The following OXCT2 variants were observed in gnomAD, a reference collection of about 807,000 sequenced individuals.
The protein encoded by OXCT2 is succinyl-CoA:3-ketoacid coenzyme A transferase 2, mitochondrial.
For synonymous variants in OXCT2, 110 were observed against 298.4 expected, an observed-to-expected ratio of 0.37 and a Z score of 6.51; for missense variants, 317 against 695.7, an observed-to-expected ratio of 0.46 and a Z score of 6.12.
chr1:39,770,630 A>T lies in OXCT2; in HGVS notation c.626T>A (p.Leu209Gln). ...LERAIRADFA[L>Q]VKGWKADRAG... is the part of the protein sequence containing the mutation. ...CCGGTCGGCCTTCCACCCTTTCACCAGGGCGAAGTCTGCCCGGATGGCGCG... is the reference window on the plus strand; with the variant it reads ...CCGGTCGGCCTTCCACCCTTTCACCTGGGCGAAGTCTGCCCGGATGGCGCG... Residue 209 changes from leucine to glutamine, a missense_variant, in exon 1 of 1, where the codon CTG becomes CAG. Coordinates refer to ENST00000327582, the MANE Select transcript of OXCT2 (RefSeq NM_022120.2). The T allele has an allele frequency of 6.4e-7, 1 of 1,565,018 alleles. No individual in the cohort carries two copies. The highest frequency in any genetic ancestry group is 8.7e-7 in the Non-Finnish European group (1 of 1,155,704).
Position 39,770,187 on chromosome 1 carries a change from C to G in OXCT2, c.1069G>C (p.Asp357His). 7.4e-7 allele frequency: 1 copy of G among 1,355,044 alleles called. No homozygotes were observed. Among genetic ancestry groups the G allele is most frequent in the East Asian group, 2.5e-5 (1 of 40,322 alleles). 83.9% of individuals were successfully genotyped at this position (1,355,044 alleles called of 1,614,324 possible). A position where few individuals can be genotyped will look rare whatever the true frequency, so the allele number is the denominator to read the frequency against. ...TTGCCTGCATTGATGAGGTCGGCAT[C>G]CACCTCATCTTCCGTGGGAAACGGG... is the stretch of plus-strand genomic sequence containing the variant. Reference protein sequence around the residue: ...LGPFPTEDEVDADLINAGKQT... With the variant: ...LGPFPTEDEVHADLINAGKQT... The change falls in exon 1 of 1, where the codon GAT (aspartate) becomes CAT (histidine). Residue 357 changes from aspartate (D) to histidine (H), a missense_variant. By Grantham distance (81) the Asp-to-His change is moderately conservative. Coordinates refer to ENST00000327582, the MANE Select transcript of OXCT2 (RefSeq NM_022120.2).
chr1:39,770,778 C>T lies in OXCT2; in HGVS notation c.478G>A (p.Gly160Ser), dbSNP rs1288862227. ...AGVPAFYTPT[G>S]YGTLVQEGGA... is the part of the protein sequence containing the mutation. ...CCTTCCTGGACCAGGGTCCCGTAGC[C>T]CGTGGGGGTGTAGAAGGCGGGCACC... The change falls in exon 1 of 1, where the codon GGC (glycine) becomes AGC (serine). Residue 160 changes from glycine to serine, a missense_variant. Transcript: ENST00000327582. The T allele has an allele frequency of 5.7e-6, 5 of 874,932 alleles. No homozygotes were observed. The East Asian group carries it at 8.3e-5, about 15-fold the overall frequency. 54.2% of individuals were successfully genotyped at this position (874,932 alleles called of 1,614,324 possible).
rs776613937 is a variant in OXCT2, at chr1:39,770,619, A to G, written c.637T>C (p.Trp213Arg). The G allele has an allele frequency of 1.3e-6, 2 of 1,578,444 alleles. No individual in the cohort carries two copies. Among genetic ancestry groups the G allele is most frequent in the Admixed American group, 1.7e-5 (1 of 58,492 alleles). ...IRADFALVKG[W>R]KADRAGNVVF... ...ACGTTTCCTGCCCGGTCGGCCTTCC[A>G]CCCTTTCACCAGGGCGAAGTCTGCC... The change falls in exon 1 of 1, where the codon TGG becomes CGG. Residue 213 changes from tryptophan to arginine, a missense_variant. Trp to Arg is a moderately radical substitution (Grantham distance 101). Coordinates refer to ENST00000327582, the MANE Select transcript of OXCT2 (RefSeq NM_022120.2).
Position 39,770,360 on chromosome 1 carries a change from C to A in OXCT2, c.896G>T (p.Arg299Met), listed in dbSNP as rs1649870811. 7 of 1,595,176 alleles carry A rather than the reference C, an allele frequency of 4.4e-6. No homozygotes were observed. The highest frequency in any genetic ancestry group is 6.0e-6 in the Non-Finnish European group (7 of 1,175,332). The change falls in exon 1 of 1, where the codon AGG (arginine) becomes ATG (methionine). Residue 299 changes from arginine to methionine, a missense_variant. Arg to Met is a moderately conservative substitution (Grantham distance 91, BLOSUM62 -1). Transcript: ENST00000327582. ...DGDAGKEEDA[R>M]TRIIRRAALE... is the part of the protein sequence containing the mutation. ...AGCTGCGCGTCTGATGATGCGCGTC[C>A]TGGCGTCCTCTTCCTTTCCAGCGTC... is the stretch of plus-strand genomic sequence containing the variant.
chr1:39,770,316 T>A lies in OXCT2; in HGVS notation c.940A>T (p.Met314Leu). Residue 314 changes from methionine to leucine, a missense_variant, in exon 1 of 1, where the codon ATG (methionine) becomes TTG (leucine). By Grantham distance (15) the Met-to-Leu change is conservative. Coordinates refer to ENST00000327582, the MANE Select transcript of OXCT2 (RefSeq NM_022120.2). ...RRAALEFEDG[M>L]YANLGIGIPL... Reference sequence around the variant, plus strand: ...ATGCCTATGCCCAGATTGGCGTACATGCCGTCCTCAAATTCCAGAGCTGCG... The same window carrying A: ...ATGCCTATGCCCAGATTGGCGTACAAGCCGTCCTCAAATTCCAGAGCTGCG... 1 of 1,587,042 alleles carries A rather than the reference T, an allele frequency of 6.3e-7. No individual in the cohort carries two copies. The highest frequency in any genetic ancestry group is 8.5e-7 in the Non-Finnish European group (1 of 1,171,800).
Position 39,770,578 on chromosome 1 carries a change from G to C in OXCT2, c.678C>G (p.Ser226Arg), listed in dbSNP as rs141724777. The change falls in exon 1 of 1, where the codon AGC becomes AGG. Residue 226 changes from serine to arginine, a missense_variant. Transcript: ENST00000327582. ...DRAGNVVFRR[S>R]ARNFNVPMCK... is the part of the protein sequence containing the mutation. ...ACATGGGCACGTTGAAATTGCGGGC[G>C]CTTCTCCTGAAGACCACGTTTCCTG... 23 of 1,604,526 alleles carry C rather than the reference G, an allele frequency of 1.4e-5. 1 individual carries two copies. The African/African-American group carries it at 2.8e-4, about 19-fold the overall frequency.
chr1:39,771,301 T>G lies in OXCT2; in HGVS notation c.-46A>C. ...CAGGACAGGTGGTGTGAGCCCTGCG[T>G]GCGCCTCGGGCCGCGCGTCACAGAG... On this transcript the variant is annotated 5_prime_UTR_variant, in exon 1 of 1. Transcript: ENST00000327582. The G allele has an allele frequency of 7.0e-7, 1 of 1,425,586 alleles. No homozygotes were observed. The highest frequency in any genetic ancestry group is 2.7e-5 in the East Asian group (1 of 36,888). 88.3% of individuals were successfully genotyped at this position (1,425,586 alleles called of 1,614,324 possible).
chr1:39,770,641 T>G lies in OXCT2; in HGVS notation c.615A>C (p.Ala205=). Residue 205 remains alanine (A), a synonymous_variant, in exon 1 of 1, where the codon GCA becomes GCC. Coordinates refer to ENST00000327582, the MANE Select transcript of OXCT2 (RefSeq NM_022120.2). ...TCCACCCTTTCACCAGGGCGAAGTC[T>G]GCCCGGATGGCGCGCTCCAAAAGGA... The part of the protein sequence containing the change: ...DHFLLERAIR[A]DFALVKGWKA... The G allele has an allele frequency of 2.6e-6, 4 of 1,539,662 alleles. No individual in the cohort carries two copies. The highest frequency in any genetic ancestry group is 1.8e-5 in the Admixed American group (1 of 57,058).
rs1649887751 is a variant in OXCT2, at chr1:39,770,523, C to T, written c.733G>A (p.Val245Met). The T allele has an allele frequency of 1.9e-6, 3 of 1,610,352 alleles. 1 individual carries two copies. In the East Asian group the frequency reaches 6.8e-5, roughly 37 times the overall value. ...CKAADVTAVE[V>M]EEIVEVGAFP... ...GCCCCCACCTCCACGATCTCTTCCACCTCCACCGCCGTGACGTCTGCAGCT... is the reference window on the plus strand; with the variant it reads ...GCCCCCACCTCCACGATCTCTTCCATCTCCACCGCCGTGACGTCTGCAGCT... The change falls in exon 1 of 1, where the codon GTG (valine) becomes ATG (methionine). Residue 245 changes from valine (V) to methionine (M), a missense_variant. Coordinates refer to ENST00000327582, the MANE Select transcript of OXCT2 (RefSeq NM_022120.2).
Position 39,769,612 on chromosome 1 carries a change from C to G in OXCT2, c.*90G>C, listed in dbSNP as rs1018216297. 2.1e-4 allele frequency: 303 copies of G among 1,435,930 alleles called. No homozygotes were observed. Among genetic ancestry groups the G allele is most frequent in the South Asian group, 3.2e-4 (21 of 66,588 alleles). 88.9% of individuals were successfully genotyped at this position (1,435,930 alleles called of 1,614,324 possible). A position where few individuals can be genotyped will look rare whatever the true frequency, so the allele number is the denominator to read the frequency against. On this transcript the variant is annotated 3_prime_UTR_variant, in exon 1 of 1. Transcript: ENST00000327582. ...GGAAAGTAGGAGGCCAGTAGCAAAC[C>G]CCTCCCAGAGCTGGGGACATGTATT...
chr1:39,771,323 A>G lies in OXCT2; in HGVS notation c.-68T>C, dbSNP rs1358748669. 7.3e-7 allele frequency: 1 copy of G among 1,365,846 alleles called. No homozygotes were observed. The highest frequency in any genetic ancestry group is 9.5e-7 in the Non-Finnish European group (1 of 1,052,872). 84.6% of individuals were successfully genotyped at this position (1,365,846 alleles called of 1,614,324 possible). ...GCGTGCGCCTCGGGCCGCGCGTCAC[A>G]GAGCAGGGCGGGCGCCCGCGCCCTG... On this transcript the variant is annotated 5_prime_UTR_variant, in exon 1 of 1. Transcript: ENST00000327582.
In OXCT2 at chr1:39,769,769, T is replaced by C. The variant is rs1245071354; in HGVS notation, c.1487A>G (p.Lys496Arg). ...AGCAAAGGCACACCCCGTGCTCTTT[T>C]TGATGTCGTCCACCGTCAGGCCCTC... Reference protein sequence around the residue: ...LWEGLTVDDIKKSTGCAFAVS... With the variant: ...LWEGLTVDDIRKSTGCAFAVS... The change falls in exon 1 of 1, where the codon AAA (lysine) becomes AGA (arginine). Residue 496 changes from lysine to arginine, a missense_variant. Coordinates refer to ENST00000327582, the MANE Select transcript of OXCT2 (RefSeq NM_022120.2). 1 of 1,612,906 alleles carries C rather than the reference T, an allele frequency of 6.2e-7. No individual in the cohort carries two copies. The highest frequency in any genetic ancestry group is 2.2e-5 in the East Asian group (1 of 44,812).
chr1:39,770,344 T>C lies in OXCT2; in HGVS notation c.912A>G (p.Arg304=). 14 of 1,591,902 alleles carry C rather than the reference T, an allele frequency of 8.8e-6. No individual in the cohort carries two copies. Among genetic ancestry groups the C allele is most frequent in the Non-Finnish European group, 1.2e-5 (14 of 1,174,354 alleles). Residue 304 remains arginine (R), a synonymous_variant, in exon 1 of 1, where the codon AGA becomes AGG. Coordinates refer to ENST00000327582, the MANE Select transcript of OXCT2 (RefSeq NM_022120.2). ...CGTCCTCAAATTCCAGAGCTGCGCG[T>C]CTGATGATGCGCGTCCTGGCGTCCT... The part of the protein sequence containing the change: ...KEEDARTRII[R]RAALEFEDGM...
rs1649837125 is a variant in OXCT2 at position 39,769,955 on chromosome 1, A to T, written c.1301T>A (p.Val434Glu). The T allele has an allele frequency of 6.4e-7, 1 of 1,558,284 alleles. No homozygotes were observed. The highest frequency in any genetic ancestry group is 1.5e-5 in the African/African-American group (1 of 66,696). ...TGTGCAGTGCTGCATGGTGACCACC[A>T]CTCTGGTCTTCTGACTGGACACCAA... ...MDLVSSQKTR[V>E]VVTMQHCTKD... Residue 434 changes from valine to glutamate, a missense_variant, in exon 1 of 1, where the codon GTG becomes GAG. Val to Glu is a moderately radical substitution (Grantham distance 121). Coordinates refer to ENST00000327582, the MANE Select transcript of OXCT2 (RefSeq NM_022120.2).
rs111331631 is a variant in OXCT2 at position 39,770,407 on chromosome 1, C to A, written c.849G>T (p.Thr283=). The A allele has an allele frequency of 2.9e-5, 47 of 1,606,046 alleles. 2 individuals are homozygous for A. The African/African-American group carries it at 4.9e-4, about 17-fold the overall frequency. The part of the protein sequence containing the change: ...QKYEKRIERL[T]ILKEEDGDAG... Reference sequence around the variant, plus strand: ...CGTCTCCATCTTCCTCTTTCAGGATCGTTAAGCGCTCAATTCGTTTCTCGT... The same window carrying A: ...CGTCTCCATCTTCCTCTTTCAGGATAGTTAAGCGCTCAATTCGTTTCTCGT... The change falls in exon 1 of 1, where the codon ACG becomes ACT. Residue 283 remains threonine, a synonymous_variant. Coordinates refer to ENST00000327582, the MANE Select transcript of OXCT2 (RefSeq NM_022120.2).
Position 39,770,998 on chromosome 1 carries a change from C to G in OXCT2, c.258G>C (p.Gln86His). 4.8e-6 allele frequency: 7 copies of G among 1,452,866 alleles called. No individual in the cohort carries two copies. Among genetic ancestry groups the G allele is most frequent in the Non-Finnish European group, 6.5e-6 (7 of 1,071,030 alleles). 90.0% of individuals were successfully genotyped at this position (1,452,866 alleles called of 1,614,324 possible). Residue 86 changes from glutamine (Q) to histidine (H), a missense_variant, in exon 1 of 1, where the codon CAG becomes CAC. Gln to His is a conservative substitution (Grantham distance 24). Coordinates refer to ENST00000327582, the MANE Select transcript of OXCT2 (RefSeq NM_022120.2). Reference sequence around the variant, plus strand: ...CCACGCCCACGTTGCTGCTGACCACCTGCAGGTCTTTCACGCGGGTCCTGA... The same window carrying G: ...CCACGCCCACGTTGCTGCTGACCACGTGCAGGTCTTTCACGCGGGTCCTGA... Reference protein sequence around the residue: ...ALLRTRVKDLQVVSSNVGVED... With the variant: ...ALLRTRVKDLHVVSSNVGVED...
rs539364886 is a variant in OXCT2, at chr1:39,771,300, G to C, written c.-45C>G. The C allele has an allele frequency of 1.1e-4, 154 of 1,436,750 alleles. 1 individual carries two copies. In the African/African-American group the frequency reaches 2.1e-3, roughly 20 times the overall value. The allele number at this position is 1,436,750 out of a possible 1,614,324, so 89.0% of individuals were successfully genotyped here. A position where few individuals can be genotyped will look rare whatever the true frequency, so the allele number is the denominator to read the frequency against. On this transcript the variant is annotated 5_prime_UTR_variant, in exon 1 of 1. Coordinates refer to ENST00000327582, the MANE Select transcript of OXCT2 (RefSeq NM_022120.2). The stretch of plus-strand genomic sequence containing the variant: ...CCAGGACAGGTGGTGTGAGCCCTGC[G>C]TGCGCCTCGGGCCGCGCGTCACAGA...
In OXCT2 at chr1:39,771,070, C is replaced by G; in HGVS notation, c.186G>C (p.Gly62=). ...CGGGGATCCCGCAGAGCCCGAAGCCCCCGATCATGACGGTCGCCCCGTCAG... is the reference window on the plus strand; with the variant it reads ...CGGGGATCCCGCAGAGCCCGAAGCCGCCGATCATGACGGTCGCCCCGTCAG... ...DISDGATVMI[G]GFGLCGIPEN... is the part of the protein sequence containing the mutation. The change falls in exon 1 of 1, where the codon GGG becomes GGC. Residue 62 remains glycine, a synonymous_variant. Coordinates refer to ENST00000327582, the MANE Select transcript of OXCT2 (RefSeq NM_022120.2). 4.6e-6 allele frequency: 7 copies of G among 1,536,980 alleles called. 1 individual carries two copies. The highest frequency in any genetic ancestry group is 6.1e-6 in the Non-Finnish European group (7 of 1,138,256).
In OXCT2 at chr1:39,769,749, A is replaced by T; in HGVS notation, c.1507T>A (p.Phe503Ile). Reference protein sequence around the residue: ...DDIKKSTGCAFAVSPNLRPMQ... With the variant: ...DDIKKSTGCAIAVSPNLRPMQ... ...GGCCTGAGGTTCGGGGACACAGCAA[A>T]GGCACACCCCGTGCTCTTTTTGATG... is the stretch of plus-strand genomic sequence containing the variant. Residue 503 changes from phenylalanine (F) to isoleucine (I), a missense_variant, in exon 1 of 1, where the codon TTT (phenylalanine) becomes ATT (isoleucine). Transcript: ENST00000327582. 1.2e-6 allele frequency: 2 copies of T among 1,610,808 alleles called. No homozygotes were observed. The highest frequency in any genetic ancestry group is 1.7e-6 in the Non-Finnish European group (2 of 1,178,418).
Sources: allele counts gnomAD v4.1 joint callset, GRCh38; gene constraint gnomAD v4.1.1; transcripts MANE v1.5; gene names NCBI Gene and HGNC (gene_info 2026-07-23, HGNC 2026-07-21).